HOMER2: variants seen among roughly 807,000 people sequenced by gnomAD.
HOMER2 encodes the protein homer scaffold protein 2, also known as homer protein homolog 2.
HOMER2 carries 27 observed loss-of-function variants against 47.0 expected under a neutral mutation model. The observed-to-expected ratio is 0.57, with a 90% CI of 0.42 to 0.79. HOMER2 has a LOEUF of 0.79. Among genes scored for constraint, HOMER2 ranks in the 30% least tolerant of loss-of-function variants. The pLI is 0.00. For synonymous variants in HOMER2, 161 were observed against 163.8 expected (o/e 0.98, Z 0.13); for missense variants, 443 against 435.0 (o/e 1.02, Z -0.16).
At chr15:82,924,370 T>C (rs1384007977) in intron 1 of HOMER2, among the ~76,000 whole-genome samples, 1 of 151,448 alleles carries the variant, frequency 6.6e-6, no homozygotes, top group African/African-American at 2.4e-5. Flanking sequence ...CTTTTTTTTT[T>C]TTTTTTTTTG....
At chr15:82,947,591 G>C (rs540283090) in intron 1 of HOMER2, among the ~76,000 whole-genome samples, 7 of 152,156 alleles carry the variant, frequency 4.6e-5, no homozygotes, top group Non-Finnish European at 7.3e-5. Flanking sequence ...GACAGCAGAC[G>C]GCCCGAAAAT....
At chr15:82,872,690 G>A (rs762515945) in intron 3 of HOMER2, among the ~76,000 whole-genome samples, 11 of 152,098 alleles carry the variant, frequency 7.2e-5, no homozygotes, top group Non-Finnish European at 1.2e-4. Flanking sequence ...ACAGTGCCAC[G>A]ACTTCCCTCC....
chr15:82,850,105 C>A (rs2151595480), intron 8 of HOMER2, among the ~76,000 whole-genome samples: 1 of 152,342 alleles, frequency 6.6e-6, no homozygotes, highest in East Asian at 1.9e-4. Flanking sequence ...CAGTGACCTC[C>A]TCCTTTCCTG....
chr15:82,897,062 TTTC>T (rs2052949185), intron 1 of HOMER2, among the ~76,000 whole-genome samples: 1 of 97,160 alleles, frequency 1.0e-5, no homozygotes, highest in Admixed American at 1.2e-4. Context: ...TTTGATGTCA[TTTC>T]TTTTTTTTTT....
intron 1 of HOMER2, among the ~76,000 whole-genome samples, chr15:82,980,940 A>G (rs1271826228): frequency 6.6e-6 from 1 of 152,182 alleles, no homozygotes; most frequent in African/African-American, 2.4e-5. Flanking sequence ...TAAAATACGC[A>G]TGTCGGGGGG....
At chr15:82,903,945 T>C (rs771713268) in intron 1 of HOMER2, among the ~76,000 whole-genome samples, 16 of 152,142 alleles carry the variant, frequency 1.1e-4, no homozygotes, top group Non-Finnish European at 2.1e-4. Flanking sequence ...GAGACCAGGC[T>C]GGCCAACACA....
At chr15:82,889,418 T>C (rs2052640199) in intron 2 of HOMER2, among the ~76,000 whole-genome samples, 1 of 151,972 alleles carries the variant, frequency 6.6e-6, no homozygotes, top group African/African-American at 2.4e-5. Context: ...CCAGAATAGA[T>C]GCTCAGGAAT....
At chr15:82,917,219 T>G (rs1375966593) in intron 1 of HOMER2, among the ~76,000 whole-genome samples, 3 of 152,260 alleles carry the variant, frequency 2.0e-5, no homozygotes, top group African/African-American at 7.2e-5. Flanking sequence ...GAGTTTGCCC[T>G]TCTAGGCAGA....
At chr15:82,915,456 C>A (rs1392558694) in intron 1 of HOMER2, among the ~76,000 whole-genome samples, 2 of 152,074 alleles carry the variant, frequency 1.3e-5, no homozygotes, top group African/African-American at 4.8e-5. Flanking sequence ...TGCCTGTAAT[C>A]CAGGCACTTT....
At position 82,849,991 on chromosome 15, in the gene HOMER2, C is replaced by A; in HGVS notation, c.844-88G>T. 2.2e-6 allele frequency: 3 copies of A among 1,365,410 alleles called. No homozygotes were observed. The South Asian group carries it at 4.0e-5, about 18-fold the overall frequency. 84.6% of individuals were successfully genotyped at this position (1,365,410 alleles called of 1,614,324 possible). A position where few individuals can be genotyped will look rare whatever the true frequency, so the allele number is the denominator to read the frequency against. On this transcript the variant is annotated intron_variant, in intron 8 of 8. Coordinates refer to ENST00000450735, the MANE Select transcript of HOMER2 (RefSeq NM_004839.4). Reference sequence around the variant, plus strand: ...TGCTACAGCTGAACCAACCATTCTCCATCCAATCTGAGGGCCTGGGCCAGG... The same window carrying A: ...TGCTACAGCTGAACCAACCATTCTCAATCCAATCTGAGGGCCTGGGCCAGG...
chr15:82,857,746 T>C (rs1327106139), intron 5 of HOMER2, among the ~76,000 whole-genome samples: 1 of 152,054 alleles, frequency 6.6e-6, no homozygotes, highest in African/African-American at 2.4e-5. Flanking sequence ...AGATCTTAAA[T>C]GGGCAACTCT....
intron 2 of HOMER2, among the ~76,000 whole-genome samples, chr15:82,881,122 CCTT>C (rs1470663469): frequency 2.6e-5 from 4 of 152,226 alleles, no homozygotes; most frequent in African/African-American, 7.2e-5. Flanking sequence ...TCTGTGTACA[CCTT>C]CTTCTTGCGT....
intron 3 of HOMER2, among the ~76,000 whole-genome samples, chr15:82,870,131 C>T (rs1006640452): frequency 2.0e-5 from 3 of 152,180 alleles, no homozygotes; most frequent in African/African-American, 7.2e-5. Context: ...TGGCCTTAGC[C>T]ATTGAAGACC....
chr15:82,949,708 T>C (rs1271392754), intron 1 of HOMER2, among the ~76,000 whole-genome samples: 1 of 152,158 alleles, frequency 6.6e-6, no homozygotes, highest in Admixed American at 6.5e-5. Context: ...CTTTTTAAGA[T>C]GAGAGCAACT....
intron 3 of HOMER2, among the ~76,000 whole-genome samples, chr15:82,868,522 T>TA (rs1219709233): frequency 0.036 from 1,000 of 27,480 alleles, 36 homozygotes; most frequent in South Asian, 0.23. Context: ...ACTTATTTAT[T>TA]TTATATATAT....
At chr15:82,862,893 T>C (rs1345248287) in intron 4 of HOMER2, among the ~76,000 whole-genome samples, 1 of 152,124 alleles carries the variant, frequency 6.6e-6, no homozygotes, top group East Asian at 1.9e-4. Flanking sequence ...CCAGGGTCCC[T>C]GTCAGCATTC....
intron 1 of HOMER2, among the ~76,000 whole-genome samples, chr15:82,912,912 A>G (rs991068670): frequency 5.9e-5 from 9 of 152,170 alleles, no homozygotes; most frequent in African/African-American, 2.2e-4. Context: ...GCCCTGAATG[A>G]CTTTCTTGGG....
chr15:82,915,448 C>G (rs2053562145), intron 1 of HOMER2, among the ~76,000 whole-genome samples: 1 of 152,124 alleles, frequency 6.6e-6, no homozygotes. Flanking sequence ...GTGGCTCATG[C>G]CTGTAATCCA....
intron 1 of HOMER2, among the ~76,000 whole-genome samples, chr15:82,943,223 T>C (rs1439656156): frequency 6.6e-6 from 1 of 152,210 alleles, no homozygotes; most frequent in African/African-American, 2.4e-5. Context: ...ATGAGGACAG[T>C]AAAGCTTAGA....
Sources: gnomAD v4.1 joint callset for allele counts (sites outside exome capture counted in the v4.1 genomes callset) on GRCh38, gnomAD v4.1.1 for gene constraint, MANE v1.5 for transcripts, NCBI Gene and HGNC (gene_info 2026-07-23, HGNC 2026-07-21) for gene names.